Variants in PAPOLA observed in about 807,000 individuals in gnomAD.
PAPOLA encodes poly(A) polymerase alpha.
A neutral mutation model predicts 100.6 loss-of-function variants in PAPOLA; 15 were observed. The ratio of observed to expected loss-of-function variants is 0.15; its 90% confidence interval spans 0.10 to 0.23. PAPOLA has a LOEUF of 0.23. Ranked by LOEUF, PAPOLA falls within the 10% of genes least tolerant of loss-of-function variation. The pLI is 1.00. For synonymous variants in PAPOLA, 293 were observed against 300.0 expected (o/e 0.98, Z 0.24); for missense variants, 533 against 884.2 (o/e 0.60, Z 5.04).
At chr14:96,509,819 G>A (rs1333003790) in intron 1 of PAPOLA, among the ~76,000 whole-genome samples, 2 of 152,200 alleles carry the variant, frequency 1.3e-5, no homozygotes, top group Admixed American at 1.3e-4. Flanking sequence ...TATATGTGTG[G>A]TCTGTCATTG....
At chr14:96,540,020 A>G (rs111651267) in intron 12 of PAPOLA, among the ~76,000 whole-genome samples, 2,137 of 152,242 alleles carry the variant, frequency 0.014, 45 homozygotes, top group African/African-American at 0.048. Context: ...ATTTCTACCT[A>G]TATGTGAATG....
chr14:96,544,334 T>C, intron 15 of PAPOLA, 76 bp downstream of exon 15: 1 of 695,890 alleles, frequency 1.4e-6, no homozygotes, highest in Non-Finnish European at 2.5e-6. Context: ...ACCATAGTGA[T>C]ATTTACAATA....
At chr14:96,527,399 A>C (rs757472228) in intron 4 of PAPOLA, 31 bp from the exon 5 acceptor site, 39 of 1,248,672 alleles carry the variant, frequency 3.1e-5, no homozygotes, top group Non-Finnish European at 4.4e-5. Context: ...TGTAATATTA[A>C]TTAGTGGTTG....
chr14:96,533,335 G>A (rs932381707), intron 9 of PAPOLA: 1 of 982,942 alleles, frequency 1.0e-6, no homozygotes, highest in African/African-American at 1.8e-5. Context: ...CTGTTCTTAT[G>A]AACTCCTGCT....
At chr14:96,506,302 A>T (rs952015856) in intron 1 of PAPOLA, among the ~76,000 whole-genome samples, 3 of 152,204 alleles carry the variant, frequency 2.0e-5, no homozygotes, top group African/African-American at 7.2e-5. Context: ...CACTTTGTTT[A>T]TTTAATGTAC....
intron 10 of PAPOLA, chr14:96,535,414 A>G (rs1899433250): frequency 2.7e-5 from 27 of 982,944 alleles, no homozygotes; most frequent in Middle Eastern, 5.2e-4. Context: ...ATCAACATGG[A>G]TAATGTAGTT....
intron 1 of PAPOLA, among the ~76,000 whole-genome samples, chr14:96,512,466 A>G (rs980871083): frequency 1.3e-5 from 2 of 152,234 alleles, no homozygotes; most frequent in Non-Finnish European, 2.9e-5. Flanking sequence ...ATTATAGGCT[A>G]TGATATCAGC....
chr14:96,505,348 C>T (rs1336878038), intron 1 of PAPOLA, among the ~76,000 whole-genome samples: 1 of 152,060 alleles, frequency 6.6e-6, no homozygotes, highest in Non-Finnish European at 1.5e-5. Context: ...TTGAGAACCA[C>T]GGCATTAACG....
chr14:96,517,428 T>C (rs28600893), intron 1 of PAPOLA, among the ~76,000 whole-genome samples: 22,886 of 152,200 alleles, frequency 0.15, 1,766 homozygotes, highest in Middle Eastern at 0.18. Context: ...AGGGAAACTT[T>C]TGGAGGTAAT....
chr14:96,514,541 T>G (rs970056423), intron 1 of PAPOLA, among the ~76,000 whole-genome samples: 5 of 152,294 alleles, frequency 3.3e-5, no homozygotes, highest in Non-Finnish European at 7.3e-5. Flanking sequence ...AGATTGTATA[T>G]ATTAGTTAAG....
intron 19 of PAPOLA, among the ~76,000 whole-genome samples, chr14:96,559,168 C>G (rs946003923): frequency 1.8e-4 from 27 of 151,936 alleles, no homozygotes; most frequent in African/African-American, 6.5e-4. Flanking sequence ...GAAGAACTTG[C>G]TGTTTAGTGG....
Position 96,556,301 on chromosome 14 carries a change from A to G in PAPOLA, c.1892A>G (p.Asn631Ser). The G allele has an allele frequency of 6.2e-7, 1 of 1,614,066 alleles. No homozygotes were observed. Among genetic ancestry groups the G allele is most frequent in the Non-Finnish European group, 8.5e-7 (1 of 1,179,988 alleles). The change falls in exon 19 of 22, where the codon AAT (asparagine) becomes AGT (serine). Residue 631 changes from asparagine to serine, a missense_variant. Transcript: ENST00000216277. The stretch of plus-strand genomic sequence containing the variant: ...AACCCACCACCTAGATCTTCAGGAA[A>G]TGCAGCAACTTCAGGAAATGCAGCA... ...LVNPPPRSSG[N>S]AATSGNAATK...
intron 12 of PAPOLA, among the ~76,000 whole-genome samples, chr14:96,541,516 A>C (rs1406376838): frequency 6.6e-6 from 1 of 152,148 alleles, no homozygotes; most frequent in Non-Finnish European, 1.5e-5. Flanking sequence ...GAATCATTGT[A>C]GTTACATTTT....
chr14:96,533,999 TG>T, intron 9 of PAPOLA: 2 of 986,626 alleles, frequency 2.0e-6, no homozygotes, highest in Non-Finnish European at 2.4e-6. Context: ...CATATGAAAA[TG>T]TGGTTATGCC....
chr14:96,530,287 A>T (rs1465328535), intron 6 of PAPOLA, among the ~76,000 whole-genome samples: 1 of 152,198 alleles, frequency 6.6e-6, no homozygotes, highest in Non-Finnish European at 1.5e-5. Flanking sequence ...GCATTTAACA[A>T]ACTTAATACA....
At position 96,502,582 on chromosome 14, in the gene PAPOLA, C is replaced by T; in HGVS notation, c.-11C>T. On this transcript the variant is annotated 5_prime_UTR_variant, in exon 1 of 22. Coordinates refer to ENST00000216277, the MANE Select transcript of PAPOLA (RefSeq NM_032632.5). The stretch of plus-strand genomic sequence containing the variant: ...GGGGGAAGTGACTGGGCGGTGCCGG[C>T]GCCGGAGACGATGCCGTTGTAAGTA... The T allele has an allele frequency of 1.9e-6, 3 of 1,561,312 alleles. No homozygotes were observed. The highest frequency in any genetic ancestry group is 2.6e-6 in the Non-Finnish European group (3 of 1,153,378).
chr14:96,562,920 T>G, intron 21 of PAPOLA, 27 bp downstream of exon 21: 16 of 1,390,946 alleles, frequency 1.2e-5, no homozygotes, highest in Non-Finnish European at 1.6e-5. Context: ...GCAAGGAGAA[T>G]TTTGTAAATG....
In PAPOLA at chr14:96,502,607, A is replaced by C. The variant is rs200215413; in HGVS notation, c.8+7A>C. 697 of 1,577,268 alleles carry C rather than the reference A, an allele frequency of 4.4e-4. 4 individuals are homozygous for C. The African/African-American group carries it at 8.6e-3, about 19-fold the overall frequency. Reference sequence around the variant, plus strand: ...CGCCGGAGACGATGCCGTTGTAAGTAATTTGTATTCTGTTTTCTTTCGCTC... The same window carrying C: ...CGCCGGAGACGATGCCGTTGTAAGTCATTTGTATTCTGTTTTCTTTCGCTC... On this transcript the variant is annotated splice_region_variant and intron_variant, in intron 1 of 21. Transcript: ENST00000216277.
rs552238803 is a variant in PAPOLA at position 96,527,276 on chromosome 14, T to G, written c.332-154T>G. 23 of 591,972 alleles carry G rather than the reference T, an allele frequency of 3.9e-5. No homozygotes were observed. The East Asian group carries it at 6.2e-4, about 16-fold the overall frequency. The allele number at this position is 591,972 out of a possible 1,614,324, so 36.7% of individuals were successfully genotyped here. A position where few individuals can be genotyped will look rare whatever the true frequency, so the allele number is the denominator to read the frequency against. ...ACATCAATTAAAATCATGTTTGTCCTCCATTGACTGGTAATTTTAAGTAAG... is the reference window on the plus strand; with the variant it reads ...ACATCAATTAAAATCATGTTTGTCCGCCATTGACTGGTAATTTTAAGTAAG... On this transcript the variant is annotated intron_variant, in intron 4 of 21. Coordinates refer to ENST00000216277, the MANE Select transcript of PAPOLA (RefSeq NM_032632.5).
Sources: allele counts gnomAD v4.1 joint callset (sites outside exome capture counted in the v4.1 genomes callset), GRCh38; gene constraint gnomAD v4.1.1; transcripts MANE v1.5; gene names NCBI Gene and HGNC (gene_info 2026-07-23, HGNC 2026-07-21).